Variants in PACSIN1 observed in about 807,000 individuals in gnomAD.
The protein encoded by PACSIN1 is protein kinase C and casein kinase substrate in neurons 1, also known as protein kinase C and casein kinase substrate in neurons protein 1.
A neutral mutation model predicts 59.5 loss-of-function variants in PACSIN1; 15 were observed. The ratio of observed to expected loss-of-function variants is 0.25; its 90% CI spans 0.17 to 0.39. The LOEUF is 0.39. Ranked by LOEUF, PACSIN1 falls within the 10% of genes least tolerant of loss-of-function variation. PACSIN1 has a pLI of 1.00. For synonymous variants in PACSIN1, 210 were observed against 220.6 expected (o/e 0.95, Z 0.42); for missense variants, 420 against 580.2 (o/e 0.72, Z 2.84).
In PACSIN1 at chr6:34,530,522, G is replaced by A; in HGVS notation, c.972G>A (p.Glu324=). 6.2e-7 allele frequency: 1 copy of A among 1,610,216 alleles called. No individual in the cohort carries two copies. Among genetic ancestry groups the A allele is most frequent in the Non-Finnish European group, 8.5e-7 (1 of 1,178,438 alleles). ...AGGAGAAACAGCCTAAGAAGGCAGAGGGAGTGGCGCTGACCAATGCCACTG... is the reference window on the plus strand; with the variant it reads ...AGGAGAAACAGCCTAAGAAGGCAGAAGGAGTGGCGCTGACCAATGCCACTG... ...TKKEKQPKKA[E]GVALTNATGA... Residue 324 remains glutamate, a synonymous_variant, in exon 8 of 10, where the codon GAG becomes GAA. Coordinates refer to ENST00000244458, the MANE Select transcript of PACSIN1 (RefSeq NM_020804.5). This position sits in a 1 kb window ranked among gnomAD's most constrained non-coding sequence, Gnocchi z 4.4.
intron 1 of PACSIN1, among the ~76,000 whole-genome samples, chr6:34,493,457 G>A (rs1766906042): frequency 6.6e-6 from 1 of 152,252 alleles, no homozygotes; most frequent in Admixed American, 6.5e-5. Flanking sequence ...TAAGGGATAT[G>A]TGTGCCAAAC....
chr6:34,528,336 C>A (rs983390427), intron 3 of PACSIN1, among the ~76,000 whole-genome samples: 3 of 152,206 alleles, frequency 2.0e-5, no homozygotes, highest in African/African-American at 4.8e-5. Flanking sequence ...CAGGCTGCCC[C>A]CCTCCGACCC....
At chr6:34,522,053 A>T (rs1346743991) in intron 1 of PACSIN1, among the ~76,000 whole-genome samples, 1 of 152,190 alleles carries the variant, frequency 6.6e-6, no homozygotes, top group Non-Finnish European at 1.5e-5. Flanking sequence ...CGCAAGAAGA[A>T]AAAGAGGAAG....
intron 1 of PACSIN1, among the ~76,000 whole-genome samples, chr6:34,491,069 G>A (rs1349388115): frequency 1.3e-5 from 2 of 152,066 alleles, no homozygotes; most frequent in East Asian, 1.9e-4. Context: ...TGACGCAGCC[G>A]ACTCATCGTG....
At chr6:34,503,201 T>TA (rs1176291367) in intron 1 of PACSIN1, among the ~76,000 whole-genome samples, 1 of 149,870 alleles carries the variant, frequency 6.7e-6, no homozygotes, top group African/African-American at 2.5e-5. Context: ...GCCAGGAGTT[T>TA]AAGGCTGCAG....
chr6:34,524,135 A>T (rs1022552635), intron 1 of PACSIN1, among the ~76,000 whole-genome samples: 10 of 152,112 alleles, frequency 6.6e-5, no homozygotes, highest in African/African-American at 2.2e-4. Flanking sequence ...CCAAGGGTGG[A>T]CCCCAGCAAG....
chr6:34,519,100 T>C (rs1767342735), intron 1 of PACSIN1, among the ~76,000 whole-genome samples: 1 of 150,842 alleles, frequency 6.6e-6, no homozygotes, highest in African/African-American at 2.4e-5. Flanking sequence ...AGACCAGGAG[T>C]GGGCTAGGGA....
At chr6:34,498,214 G>A (rs1283562720) in intron 1 of PACSIN1, among the ~76,000 whole-genome samples, 3 of 151,730 alleles carry the variant, frequency 2.0e-5, no homozygotes, top group African/African-American at 7.3e-5. Flanking sequence ...GGTGCGCGCC[G>A]CCACGCCTGG....
intron 1 of PACSIN1, among the ~76,000 whole-genome samples, chr6:34,502,031 CAAAAA>C (rs55848755): frequency 3.0e-5 from 2 of 67,210 alleles, no homozygotes; most frequent in South Asian, 6.0e-4. Flanking sequence ...GACTCTGTCT[CAAAAA>C]AAAAAAAAAA....
intron 1 of PACSIN1, among the ~76,000 whole-genome samples, chr6:34,524,088 T>G (rs1319015842): frequency 1.3e-5 from 2 of 152,176 alleles, no homozygotes; most frequent in Admixed American, 1.3e-4. Context: ...ACATGCTCCC[T>G]CATCTGGAAG....
At chr6:34,506,434 C>T (rs147569109) in intron 1 of PACSIN1, among the ~76,000 whole-genome samples, 23 of 152,290 alleles carry the variant, frequency 1.5e-4, no homozygotes, top group African/African-American at 5.5e-4. Context: ...AGGCTGGTCT[C>T]AAACTCCTGG....
At chr6:34,495,107 TCTC>T (rs1766929320) in intron 1 of PACSIN1, among the ~76,000 whole-genome samples, 1 of 151,966 alleles carries the variant, frequency 6.6e-6, no homozygotes, top group African/African-American at 2.4e-5. Context: ...ATTCCTACCC[TCTC>T]CTCCTCCAAA....
intron 1 of PACSIN1, among the ~76,000 whole-genome samples, chr6:34,477,398 A>G (rs7760590): frequency 1 from 151,797 of 152,192 alleles, 75,704 homozygotes; most frequent in Middle Eastern, 1. Flanking sequence ...AATCAAGAAA[A>G]AAAGAAGAAA....
chr6:34,528,716 C>G lies in PACSIN1; in HGVS notation c.295C>G (p.Gln99Glu). Residue 99 changes from glutamine to glutamate, a missense_variant, in exon 4 of 10, where the codon CAG (glutamine) becomes GAG (glutamate). Physicochemically the swap from Gln to Glu is conservative, Grantham distance 29 (BLOSUM62 2). Coordinates refer to ENST00000244458, the MANE Select transcript of PACSIN1 (RefSeq NM_020804.5). ...GGCAGACAAGGTGAGCGAGCTGCAC[C>G]AGGAGGTGAAGAACAATCTGCTGAA... is the stretch of plus-strand genomic sequence containing the variant. ...TEADKVSELH[Q>E]EVKNNLLNED... 6.2e-7 allele frequency: 1 copy of G among 1,614,040 alleles called. No individual in the cohort carries two copies. Among genetic ancestry groups the G allele is most frequent in the Non-Finnish European group, 8.5e-7 (1 of 1,180,026 alleles).
chr6:34,512,426 A>G (rs1276328736), intron 1 of PACSIN1, among the ~76,000 whole-genome samples: 3 of 152,134 alleles, frequency 2.0e-5, no homozygotes, highest in Non-Finnish European at 4.4e-5. Context: ...AAGATGATCC[A>G]GGGCTGGGGG....
chr6:34,531,738 A>C lies in PACSIN1; in HGVS notation c.1176A>C (p.Ala392=). 1.3e-6 allele frequency: 2 copies of C among 1,595,942 alleles called. No individual in the cohort carries two copies. ...ACTCCAAGGGAGTGCGCGTGCGGGC[A>C]CTCTACGACTATGACGGCCAGGAGC... is the stretch of plus-strand genomic sequence containing the variant. ...EDDSKGVRVR[A]LYDYDGQEQD... is the part of the protein sequence containing the mutation. The change falls in exon 9 of 10, where the codon GCA becomes GCC. Residue 392 remains alanine, a synonymous_variant. Transcript: ENST00000244458. This position sits in a 1 kb window ranked among gnomAD's most constrained non-coding sequence, Gnocchi z 4.4.
At chr6:34,468,904 A>AGTGT (rs1766533654) in intron 1 of PACSIN1, among the ~76,000 whole-genome samples, 2 of 151,370 alleles carry the variant, frequency 1.3e-5, no homozygotes, top group African/African-American at 4.9e-5. Context: ...GGAGTGAGTG[A>AGTGT]CTGTTGGTCC....
In PACSIN1 at chr6:34,488,089, C is replaced by A. The variant is rs932138814; in HGVS notation, c.-64+21819C>A. ...CACTTGCACTCTCCCTCTTCAATGA[C>A]CCTGACCTTGGCCAGCACCTCTGTT... is the stretch of plus-strand genomic sequence containing the variant. On this transcript the variant is annotated intron_variant, in intron 1 of 9. Transcript: ENST00000244458. This position sits in a 1 kb window ranked among gnomAD's most constrained non-coding sequence, Gnocchi z 4.7. 5.9e-5 allele frequency among the ~76,000 whole-genome samples: 9 copies of A among 152,156 alleles called. No homozygotes were observed. The highest frequency in any genetic ancestry group is 8.8e-5 in the Non-Finnish European group (6 of 68,028).
intron 1 of PACSIN1, among the ~76,000 whole-genome samples, chr6:34,507,956 G>A (rs1372570861): frequency 6.6e-6 from 1 of 152,130 alleles, no homozygotes; most frequent in African/African-American, 2.4e-5. Flanking sequence ...TCCATTGATG[G>A]ATATTTAGAT....
Sources: gnomAD v4.1 joint callset for allele counts (sites outside exome capture counted in the v4.1 genomes callset) on GRCh38, gnomAD v4.1.1 for gene constraint, Gnocchi (gnomAD v3.1) non-coding constraint, MANE v1.5 for transcripts, NCBI Gene and HGNC (gene_info 2026-07-23, HGNC 2026-07-21) for gene names.